The following PDZD2 variants were observed in gnomAD, a reference collection of about 807,000 sequenced individuals.
PDZD2 encodes the protein PDZ domain-containing protein 2.
A neutral mutation model predicts 220.7 loss-of-function variants in PDZD2; 90 were observed. That is an observed-to-expected ratio of 0.41 (90% CI 0.34 to 0.49). The LOEUF is 0.49. Among genes scored for constraint, PDZD2 ranks in the 20% least tolerant of loss-of-function variants. PDZD2 has a pLI of 0.28. For synonymous variants in PDZD2, 1,375 were observed against 1,450.5 expected (o/e 0.95, Z 1.18); for missense variants, 3,174 against 3,608.5 (o/e 0.88, Z 3.08).
chr5:31,863,562 G>C (rs558557175), intron 2 of PDZD2, among the ~76,000 whole-genome samples: 2 of 152,200 alleles, frequency 1.3e-5, no homozygotes, highest in Non-Finnish European at 2.9e-5. Flanking sequence ...GATAGAAAAT[G>C]TAAGTGGAAA....
intron 2 of PDZD2, among the ~76,000 whole-genome samples, chr5:31,870,590 A>T (rs1738697040): frequency 1.3e-5 from 2 of 152,196 alleles, no homozygotes; most frequent in Admixed American, 6.5e-5. Flanking sequence ...AAGATCATTT[A>T]AAAATGGAAC....
chr5:31,879,104 C>T (rs1440862001), intron 2 of PDZD2, among the ~76,000 whole-genome samples: 3 of 151,378 alleles, frequency 2.0e-5, no homozygotes, highest in African/African-American at 4.8e-5. Context: ...GGACGTTTCT[C>T]GGGCCGGGCA....
chr5:31,639,673 G>A lies in PDZD2; in HGVS notation c.-361+236G>A, dbSNP rs1431075447. ...ACGGGGAGGGCGCAGCCCAGGGGAGGGGGCTAGACAGAGCGGGACCGAGAC... is the reference window on the plus strand; with the variant it reads ...ACGGGGAGGGCGCAGCCCAGGGGAGAGGGCTAGACAGAGCGGGACCGAGAC... On this transcript the variant is annotated intron_variant, in intron 1 of 24. Transcript: ENST00000438447. This position sits in a 1 kb window ranked among gnomAD's most constrained non-coding sequence, Gnocchi z 4.1. 1.3e-5 allele frequency among the ~76,000 whole-genome samples: 2 copies of A among 152,182 alleles called. No homozygotes were observed. Among genetic ancestry groups the A allele is most frequent in the African/African-American group, 2.4e-5 (1 of 41,446 alleles).
chr5:31,779,297 C>T (rs1432692114), intron 1 of PDZD2, among the ~76,000 whole-genome samples: 4 of 152,084 alleles, frequency 2.6e-5, no homozygotes, highest in Admixed American at 2.6e-4. Context: ...ACTTCTATCA[C>T]CCCCAATTCC....
intron 2 of PDZD2, among the ~76,000 whole-genome samples, chr5:31,976,314 C>T (rs1359146858): frequency 1.3e-5 from 2 of 152,166 alleles, no homozygotes; most frequent in African/African-American, 2.4e-5. Context: ...TCAGACAGTT[C>T]TCTGAGTTAA....
intron 1 of PDZD2, among the ~76,000 whole-genome samples, chr5:31,684,059 G>A (rs1408029688): frequency 6.6e-6 from 1 of 152,124 alleles, no homozygotes; most frequent in East Asian, 1.9e-4. Flanking sequence ...CTCAACACCA[G>A]TTATCAAAGG....
chr5:31,920,346 A>G (rs563462377), intron 2 of PDZD2, among the ~76,000 whole-genome samples: 47 of 150,230 alleles, frequency 3.1e-4, no homozygotes, highest in Non-Finnish European at 4.6e-4. Flanking sequence ...GATTTCCTAT[A>G]TATCTCCTTT....
chr5:31,983,078 C>A, intron 2 of PDZD2, 77 bp from the exon 3 acceptor site: 1 of 1,485,656 alleles, frequency 6.7e-7, no homozygotes, highest in Non-Finnish European at 9.1e-7. Flanking sequence ...TTGGGTGGAC[C>A]CTTGAACGCG....
intron 1 of PDZD2, among the ~76,000 whole-genome samples, chr5:31,665,463 G>T (rs1020873414): frequency 2.6e-5 from 4 of 152,138 alleles, no homozygotes; most frequent in Non-Finnish European, 5.9e-5. Flanking sequence ...TTTGAAAGCT[G>T]ATACGGTTTG....
At chr5:31,673,934 G>A (rs1746309509) in intron 1 of PDZD2, among the ~76,000 whole-genome samples, 2 of 152,124 alleles carry the variant, frequency 1.3e-5, no homozygotes, top group Non-Finnish European at 2.9e-5. Flanking sequence ...TCACGCCACT[G>A]TACTCCAGCC....
In PDZD2 at chr5:31,799,626, G is replaced by C; in HGVS notation, c.378G>C (p.Lys126Asn). The part of the protein sequence containing the change: ...VGCIWVTELR[K>N]NSPAGKSGKV... ...GCATCTGGGTGACAGAGCTGAGGAA[G>C]AACAGCCCAGCAGGGAAGAGTGGGA... The change falls in exon 2 of 25, where the codon AAG (lysine) becomes AAC (asparagine). Residue 126 changes from lysine to asparagine, a missense_variant. Physicochemically the swap from Lys to Asn is moderately conservative, Grantham distance 94. Coordinates refer to ENST00000438447, the MANE Select transcript of PDZD2 (RefSeq NM_178140.4). 5.0e-6 allele frequency: 8 copies of C among 1,614,108 alleles called. No individual in the cohort carries two copies. Among genetic ancestry groups the C allele is most frequent in the Non-Finnish European group, 6.8e-6 (8 of 1,179,972 alleles).
At position 32,089,901 on chromosome 5, in the gene PDZD2, C is replaced by T; in HGVS notation, c.6453C>T (p.Ala2151=). Residue 2151 remains alanine (A), a synonymous_variant, in exon 20 of 25, where the codon GCC becomes GCT. Coordinates refer to ENST00000438447, the MANE Select transcript of PDZD2 (RefSeq NM_178140.4). ...TSHPSSLPSH[A]SQAEQEMSRS... ...ATCCATCCTCACTCCCATCTCATGCCTCCCAGGCAGAGCAGGAAATGTCAC... is the reference window on the plus strand; with the variant it reads ...ATCCATCCTCACTCCCATCTCATGCTTCCCAGGCAGAGCAGGAAATGTCAC... 3 of 1,612,940 alleles carry T rather than the reference C, an allele frequency of 1.9e-6. No individual in the cohort carries two copies. Among genetic ancestry groups the T allele is most frequent in the Non-Finnish European group, 2.5e-6 (3 of 1,179,378 alleles).
intron 3 of PDZD2, among the ~76,000 whole-genome samples, chr5:31,993,116 G>T (rs2052852): frequency 0.37 from 56,033 of 152,004 alleles, 10,607 homozygotes; most frequent in Non-Finnish European, 0.4. Flanking sequence ...GAGAGACTTC[G>T]AAGGCCAGGG....
intron 1 of PDZD2, among the ~76,000 whole-genome samples, chr5:31,751,632 C>A (rs12516878): frequency 0.18 from 27,679 of 152,072 alleles, 2,925 homozygotes; most frequent in Non-Finnish European, 0.25. Context: ...ATGAGGTATA[C>A]CCCTAGCAGG....
At chr5:32,052,839 CT>C in intron 9 of PDZD2, 109 bp downstream of exon 9, 1 of 1,184,848 alleles carries the variant, frequency 8.4e-7, no homozygotes, top group Non-Finnish European at 1.2e-6. Flanking sequence ...GAAACAGGTT[CT>C]TGCTCTGTTG....
At chr5:31,890,260 C>A (rs947605243) in intron 2 of PDZD2, among the ~76,000 whole-genome samples, 2 of 151,666 alleles carry the variant, frequency 1.3e-5, no homozygotes, top group Non-Finnish European at 2.9e-5. Context: ...AGCCACTAGC[C>A]ACGTGTGAAA....
intron 2 of PDZD2, among the ~76,000 whole-genome samples, chr5:31,814,054 G>T (rs1222348896): frequency 6.6e-6 from 1 of 152,040 alleles, no homozygotes; most frequent in Non-Finnish European, 1.5e-5. Context: ...AAGAATATTT[G>T]CTTGTGTCTG....
chr5:31,974,475 G>C (rs188078134), intron 2 of PDZD2, among the ~76,000 whole-genome samples: 3 of 152,190 alleles, frequency 2.0e-5, no homozygotes, highest in Admixed American at 2.0e-4. Flanking sequence ...GCTTAATGTT[G>C]GGGAAAAGAC....
At chr5:31,689,353 ATTTTTTT>A (rs1160111594) in intron 1 of PDZD2, among the ~76,000 whole-genome samples, 1 of 35,142 alleles carries the variant, frequency 2.8e-5, no homozygotes, top group African/African-American at 2.1e-4. Context: ...ATATATATAT[ATTTTTTT>A]TTTTTTTTTT....
Sources: allele counts gnomAD v4.1 joint callset (sites outside exome capture counted in the v4.1 genomes callset), GRCh38; gene constraint gnomAD v4.1.1; non-coding constraint Gnocchi (gnomAD v3.1); transcripts MANE v1.5; gene names NCBI Gene and HGNC (gene_info 2026-07-23, HGNC 2026-07-21).